Variants in EPHA5 observed in about 807,000 individuals in gnomAD.
EPHA5 encodes EPH receptor A5, also known as ephrin type-A receptor 5.
Under a neutral mutation model 105.0 loss-of-function variants are expected in EPHA5, and 60 were observed. The ratio of observed to expected loss-of-function variants is 0.57; its 90% CI spans 0.46 to 0.71. EPHA5 has a LOEUF of 0.71. Among genes scored for constraint, EPHA5 ranks in the 30% least tolerant of loss-of-function variants. The pLI, the probability that EPHA5 is intolerant of heterozygous loss-of-function variation, is 0.00. For missense variants in EPHA5, 1,218 were observed against 1,274.7 expected, an observed-to-expected ratio of 0.96 and a Z score of 0.68; for synonymous variants, 513 against 449.1, an observed-to-expected ratio of 1.14 and a Z score of -1.80.
intron 2 of EPHA5, among the ~76,000 whole-genome samples, chr4:65,635,735 G>A (rs1747062598): frequency 6.6e-6 from 1 of 152,164 alleles, no homozygotes; most frequent in Non-Finnish European, 1.5e-5. Context: ...GAAAGATTAT[G>A]TTCACATAAA....
chr4:65,454,632 G>A (rs1727396986), intron 5 of EPHA5, among the ~76,000 whole-genome samples: 1 of 152,176 alleles, frequency 6.6e-6, no homozygotes, highest in African/African-American at 2.4e-5. Context: ...TTGAGAAAGA[G>A]TCCATCTGCT....
At chr4:65,505,362 T>C (rs536562018) in intron 3 of EPHA5, among the ~76,000 whole-genome samples, 1 of 152,164 alleles carries the variant, frequency 6.6e-6, no homozygotes, top group Admixed American at 6.6e-5. Flanking sequence ...TATGAACAAA[T>C]GGCACTTTTG....
intron 3 of EPHA5, among the ~76,000 whole-genome samples, chr4:65,535,934 A>C (rs534130968): frequency 2.0e-4 from 31 of 152,026 alleles, no homozygotes; most frequent in Non-Finnish European, 4.1e-4. Flanking sequence ...TTTTACAATA[A>C]AACATTTTTT....
rs546371303 is a variant in EPHA5, at chr4:65,589,531, G to A, written c.910+12110C>T. 3.7e-4 allele frequency among the ~76,000 whole-genome samples: 57 copies of A among 152,240 alleles called. No homozygotes were observed. In the East Asian group the frequency reaches 0.01, roughly 27 times the overall value. ...TTGTGACATTTCATTTATCTGGGCA[G>A]CAACATTCTTGAAAGGCAACTTGCC... On this transcript the variant is annotated intron_variant, in intron 3 of 16. Coordinates refer to ENST00000613740, the MANE Select transcript of EPHA5 (RefSeq NM_001281766.3).
chr4:65,435,372 G>A (rs1055934905), intron 5 of EPHA5, among the ~76,000 whole-genome samples: 1 of 152,024 alleles, frequency 6.6e-6, no homozygotes, highest in African/African-American at 2.4e-5. Context: ...TATTCTTGAA[G>A]GCATACAAAA....
chr4:65,409,759 C>G (rs566101959), intron 7 of EPHA5, among the ~76,000 whole-genome samples: 1 of 152,208 alleles, frequency 6.6e-6, no homozygotes, highest in South Asian at 2.1e-4. Context: ...TATGTAGAAT[C>G]AGTGGAAACA....
chr4:65,359,934 A>G (rs150657823), intron 11 of EPHA5, among the ~76,000 whole-genome samples: 28 of 151,522 alleles, frequency 1.8e-4, no homozygotes, highest in African/African-American at 6.8e-4. Flanking sequence ...TTCTCCTACT[A>G]CATCGTTAAT....
chr4:65,620,833 AG>A (rs1465187438), intron 2 of EPHA5, among the ~76,000 whole-genome samples: 5 of 152,212 alleles, frequency 3.3e-5, no homozygotes, highest in African/African-American at 1.2e-4. Flanking sequence ...TTAAAGAATC[AG>A]ATAATGGATT....
intron 3 of EPHA5, among the ~76,000 whole-genome samples, chr4:65,537,784 T>C (rs1264970258): frequency 6.6e-6 from 1 of 151,668 alleles, no homozygotes. Flanking sequence ...TTTCTAAGAG[T>C]TTACACATCA....
At chr4:65,626,732 T>C (rs1456489544) in intron 2 of EPHA5, among the ~76,000 whole-genome samples, 1 of 145,810 alleles carries the variant, frequency 6.9e-6, no homozygotes, top group Non-Finnish European at 1.5e-5. Flanking sequence ...AGGAAACACA[T>C]TTTTTTAGAA....
intron 3 of EPHA5, among the ~76,000 whole-genome samples, chr4:65,522,078 G>GA (rs1560642968): frequency 6.6e-6 from 1 of 151,434 alleles, no homozygotes; most frequent in Non-Finnish European, 1.5e-5. Context: ...TTAGCCGACA[G>GA]AAAAAAAACT....
At chr4:65,545,591 A>T (rs138418769) in intron 3 of EPHA5, among the ~76,000 whole-genome samples, 5 of 151,984 alleles carry the variant, frequency 3.3e-5, no homozygotes, top group African/African-American at 1.2e-4. Context: ...TAGGACACAG[A>T]TGAAATAGAA....
At chr4:65,417,621 C>T (rs1437873786) in intron 6 of EPHA5, among the ~76,000 whole-genome samples, 1 of 151,856 alleles carries the variant, frequency 6.6e-6, no homozygotes, top group African/African-American at 2.4e-5. Flanking sequence ...TTTCCCAAGT[C>T]ATTTTTTCTT....
At chr4:65,537,059 A>T (rs1736359521) in intron 3 of EPHA5, among the ~76,000 whole-genome samples, 1 of 151,778 alleles carries the variant, frequency 6.6e-6, no homozygotes. Flanking sequence ...AACCCTTGGG[A>T]TCCAAAAATT....
intron 2 of EPHA5, among the ~76,000 whole-genome samples, chr4:65,614,023 C>T (rs1745009798): frequency 6.6e-6 from 1 of 151,674 alleles, no homozygotes; most frequent in African/African-American, 2.4e-5. Context: ...TCTACGAATG[C>T]CAAGAATTCT....
chr4:65,601,551 AG>A (rs1476208096), intron 3 of EPHA5, 89 bp downstream of exon 3: 6 of 1,238,612 alleles, frequency 4.8e-6, no homozygotes, highest in Admixed American at 4.6e-5. Flanking sequence ...GCAAAGTAAA[AG>A]GTCATTTCCT....
chr4:65,574,715 TATATAC>T (rs1472833851), intron 3 of EPHA5, among the ~76,000 whole-genome samples: 2 of 73,112 alleles, frequency 2.7e-5, no homozygotes, highest in East Asian at 3.2e-4. Flanking sequence ...TATACATATA[TATATAC>T]ATATATATAC....
intron 3 of EPHA5, among the ~76,000 whole-genome samples, chr4:65,583,598 A>T (rs1456617442): frequency 1.3e-5 from 2 of 151,830 alleles, no homozygotes; most frequent in African/African-American, 2.4e-5. Flanking sequence ...GATTGCAATG[A>T]TGAATAATGC....
chr4:65,412,102 C>T (rs1179362288), intron 7 of EPHA5, among the ~76,000 whole-genome samples: 1 of 152,058 alleles, frequency 6.6e-6, no homozygotes, highest in African/African-American at 2.4e-5. Context: ...GTGGTGCATG[C>T]CTGTGATCCC....
Sources: allele counts gnomAD v4.1 joint callset (sites outside exome capture counted in the v4.1 genomes callset), GRCh38; gene constraint gnomAD v4.1.1; transcripts MANE v1.5; gene names NCBI Gene and HGNC (gene_info 2026-07-23, HGNC 2026-07-21).